Variants in FBN2 observed in about 807,000 individuals in gnomAD.
FBN2 encodes the protein fibrillin 2.
In FBN2, 105 loss-of-function variants were observed where a neutral mutation model predicts 355.6. That is an observed-to-expected ratio of 0.30 (90% CI 0.25 to 0.35). FBN2 has a LOEUF of 0.35. Ranked by LOEUF, FBN2 falls within the 10% of genes least tolerant of loss-of-function variation. FBN2 has a pLI of 1.00. For synonymous variants in FBN2, 1,350 were observed against 1,301.2 expected (o/e 1.04, Z -0.81); for missense variants, 3,280 against 3,758.7 (o/e 0.87, Z 3.33).
chr5:128,266,345 G>C (rs1304022040), intron 62 of FBN2, among the ~76,000 whole-genome samples: 4 of 152,178 alleles, frequency 2.6e-5, no homozygotes, highest in Non-Finnish European at 4.4e-5. Flanking sequence ...ATCTGCTCAT[G>C]TATTTTTAGT....
intron 7 of FBN2, among the ~76,000 whole-genome samples, chr5:128,415,692 A>G (rs1397158783): frequency 2.0e-5 from 3 of 152,186 alleles, no homozygotes; most frequent in Non-Finnish European, 4.4e-5. Context: ...CCTCTGATAT[A>G]ATAATTTCCT....
chr5:128,520,592 T>C (rs1756405225), intron 4 of FBN2, among the ~76,000 whole-genome samples: 1 of 152,144 alleles, frequency 6.6e-6, no homozygotes, highest in African/African-American at 2.4e-5. Flanking sequence ...CCTTATCAGG[T>C]ATGTTGAACC....
chr5:128,475,681 G>T (rs1042026664), intron 5 of FBN2, among the ~76,000 whole-genome samples: 1 of 152,018 alleles, frequency 6.6e-6, no homozygotes, highest in African/African-American at 2.4e-5. Flanking sequence ...CAACGAAAAA[G>T]CTTCATGAGA....
intron 19 of FBN2, among the ~76,000 whole-genome samples, chr5:128,358,567 T>C (rs533256588): frequency 1.4e-4 from 22 of 152,224 alleles, no homozygotes; most frequent in African/African-American, 5.3e-4. Flanking sequence ...TAGAAATTGT[T>C]TGAAGAAATA....
At chr5:128,457,101 A>T (rs1040691105) in intron 6 of FBN2, among the ~76,000 whole-genome samples, 3 of 152,188 alleles carry the variant, frequency 2.0e-5, no homozygotes, top group African/African-American at 7.2e-5. Flanking sequence ...TTTAGAGGGG[A>T]ACATAAACGA....
rs72785110 is a variant in FBN2, at chr5:128,292,871, C to T, written c.6167-1217G>A. 3.0e-3 allele frequency among the ~76,000 whole-genome samples: 459 copies of T among 152,266 alleles called. 1 individual carries two copies. The highest frequency in any genetic ancestry group is 5.1e-3 in the Non-Finnish European group (347 of 68,028). ...CCCTCTCACAACTACCATAATGATCCCTAACCTCCTGCGGTGCTCCCATCT... is the reference window on the plus strand; with the variant it reads ...CCCTCTCACAACTACCATAATGATCTCTAACCTCCTGCGGTGCTCCCATCT... On this transcript the variant is annotated intron_variant, in intron 48 of 64. Coordinates refer to ENST00000262464, the MANE Select transcript of FBN2 (RefSeq NM_001999.4).
intron 7 of FBN2, among the ~76,000 whole-genome samples, chr5:128,417,225 T>C (rs1248710301): frequency 6.6e-6 from 1 of 152,220 alleles, no homozygotes; most frequent in Non-Finnish European, 1.5e-5. Context: ...ATTTACTGAA[T>C]TTATTTATCA....
At chr5:128,304,881 T>C (rs561350638) in intron 45 of FBN2, 76 bp downstream of exon 45, 8 of 1,573,292 alleles carry the variant, frequency 5.1e-6, no homozygotes, top group African/African-American at 1.3e-5. Context: ...TAGTTACTCA[T>C]GGCACTTGAT....
chr5:128,348,879 A>C (rs1751266881), intron 23 of FBN2, among the ~76,000 whole-genome samples: 1 of 152,158 alleles, frequency 6.6e-6, no homozygotes, highest in South Asian at 2.1e-4. Flanking sequence ...TATTAAGAAA[A>C]CTTAAACTCT....
chr5:128,310,292 A>C (rs1003439864), intron 39 of FBN2, among the ~76,000 whole-genome samples, 184 bp from the exon 40 acceptor site: 9 of 150,626 alleles, frequency 6.0e-5, no homozygotes, highest in African/African-American at 2.2e-4. Context: ...CAAAAGAAAA[A>C]AATCCCCATA....
At chr5:128,323,113 T>A (rs1750432644) in intron 34 of FBN2, among the ~76,000 whole-genome samples, 1 of 152,210 alleles carries the variant, frequency 6.6e-6, no homozygotes, top group South Asian at 2.1e-4. Context: ...CGATTTTGTA[T>A]CCTGAGACTG....
In FBN2 at chr5:128,261,702, A is replaced by C. The variant is rs138170806; in HGVS notation, c.8364+34T>G. ...TGTATACATGACTCCGTAGGGATAAAATTTTGTGGCAACACAGAGTGGGAT... is the reference window on the plus strand; with the variant it reads ...TGTATACATGACTCCGTAGGGATAACATTTTGTGGCAACACAGAGTGGGAT... On this transcript the variant is annotated intron_variant, in intron 64 of 64. Transcript: ENST00000262464. The C allele has an allele frequency of 7.7e-4, 1,240 of 1,611,362 alleles. 11 individuals carry two copies. Among genetic ancestry groups the C allele is most frequent in the South Asian group, 7.0e-3 (638 of 91,046 alleles).
chr5:128,471,955 A>C (rs908564812), intron 5 of FBN2, among the ~76,000 whole-genome samples: 1 of 152,218 alleles, frequency 6.6e-6, no homozygotes, highest in Non-Finnish European at 1.5e-5. Context: ...GCATGGAGTT[A>C]TTTCATAAAC....
intron 15 of FBN2, among the ~76,000 whole-genome samples, chr5:128,370,891 GT>G (rs1262808443): frequency 6.6e-6 from 1 of 152,084 alleles, no homozygotes; most frequent in African/African-American, 2.4e-5. Flanking sequence ...TTATGTGTAG[GT>G]TTTACGGACA....
In FBN2 at chr5:128,261,663, G is replaced by A. The variant is rs929228243; in HGVS notation, c.8364+73C>T. The A allele has an allele frequency of 2.6e-5, 36 of 1,404,846 alleles. No homozygotes were observed. In the African/African-American group the frequency reaches 2.7e-4, roughly 10 times the overall value. The allele number at this position is 1,404,846 out of a possible 1,614,324, so 87.0% of individuals were successfully genotyped here. A position where few individuals can be genotyped will look rare whatever the true frequency, so the allele number is the denominator to read the frequency against. Reference sequence around the variant, plus strand: ...GATTAACTTCAGTGAGGCTGAAAACGACGTGAACTGCACTGTATACATGAC... The same window carrying A: ...GATTAACTTCAGTGAGGCTGAAAACAACGTGAACTGCACTGTATACATGAC... On this transcript the variant is annotated intron_variant, in intron 64 of 64. Transcript: ENST00000262464.
intron 37 of FBN2, among the ~76,000 whole-genome samples, chr5:128,312,200 GCT>G (rs1184634978): frequency 6.6e-6 from 1 of 152,110 alleles, no homozygotes; most frequent in Non-Finnish European, 1.5e-5. Flanking sequence ...TTCCCTTGCA[GCT>G]CTTTTAGCTA....
chr5:128,306,464 T>C (rs1268166478), intron 42 of FBN2, among the ~76,000 whole-genome samples: 1 of 151,822 alleles, frequency 6.6e-6, no homozygotes, highest in Non-Finnish European at 1.5e-5. Flanking sequence ...CTACTAAAAA[T>C]ACAAAAAATT....
intron 11 of FBN2, among the ~76,000 whole-genome samples, chr5:128,387,370 T>C (rs1752394431): frequency 1.3e-5 from 2 of 152,172 alleles, no homozygotes; most frequent in South Asian, 2.1e-4. Flanking sequence ...TTTATTAGTC[T>C]AGATAGCAGG....
rs375793914 is a variant in FBN2 at position 128,305,969 on chromosome 5, T to C, written c.5423-21A>G. ...AATGTCTGAAATGGAACAGATTTGG[T>C]CAAATATATGTTGTTCTGTTTAATA... On this transcript the variant is annotated intron_variant, in intron 42 of 64. Transcript: ENST00000262464. 543 of 1,609,726 alleles carry C rather than the reference T, an allele frequency of 3.4e-4. 2 individuals are homozygous for C. Among genetic ancestry groups the C allele is most frequent in the Non-Finnish European group, 4.2e-4 (495 of 1,176,170 alleles).
Sources: allele counts gnomAD v4.1 joint callset (sites outside exome capture counted in the v4.1 genomes callset), GRCh38; gene constraint gnomAD v4.1.1; transcripts MANE v1.5; gene names NCBI Gene and HGNC (gene_info 2026-07-23, HGNC 2026-07-21).